The following DUT variants were observed in gnomAD, a reference collection of about 807,000 sequenced individuals.
The protein encoded by DUT is deoxyuridine 5'-triphosphate nucleotidohydrolase, mitochondrial.
In DUT, 21 loss-of-function variants were observed where a neutral mutation model predicts 28.8. That is an observed-to-expected ratio of 0.73 (90% CI 0.52 to 1.05). The LOEUF (loss-of-function observed/expected upper bound fraction) is 1.05, where lower values mean the gene tolerates loss of function less well. DUT is among the 50% of genes least tolerant of loss of function. DUT has a pLI of 0.00. For synonymous variants in DUT, 147 were observed against 143.7 expected, an observed-to-expected ratio of 1.02 and a Z score of -0.17; for missense variants, 344 against 351.8, an observed-to-expected ratio of 0.98 and a Z score of 0.18.
At chr15:48,334,945 C>T (rs756644923) in intron 3 of DUT, among the ~76,000 whole-genome samples, 8 of 152,110 alleles carry the variant, frequency 5.3e-5, no homozygotes, top group East Asian at 1.9e-4. Flanking sequence ...TTTTCTGGAG[C>T]GGATCAGTTG....
chr15:48,331,435 A>G lies in DUT; in HGVS notation c.-81A>G. On this transcript the variant is annotated 5_prime_UTR_variant, in exon 1 of 7. Coordinates refer to ENST00000331200, the MANE Select transcript of DUT (RefSeq NM_001025248.2). The stretch of plus-strand genomic sequence containing the variant: ...CGACTGCTTCCGAGGTCATGTTCCC[A>G]GGACGGGCGCGTCTTCAGGGTGGAA... 3.2e-6 allele frequency: 5 copies of G among 1,575,696 alleles called. No individual in the cohort carries two copies. The highest frequency in any genetic ancestry group is 1.2e-5 in the South Asian group (1 of 85,478).
Position 48,331,801 on chromosome 15 carries a change from A to G in DUT, c.280+6A>G, listed in dbSNP as rs1597478000. 7.4e-7 allele frequency: 1 copy of G among 1,357,374 alleles called. No homozygotes were observed. Among genetic ancestry groups the G allele is most frequent in the Non-Finnish European group, 9.4e-7 (1 of 1,060,364 alleles). 84.1% of individuals were successfully genotyped at this position (1,357,374 alleles called of 1,614,324 possible). ...AAGCCCGGCGCCGGGGCCGGGTAGG[A>G]AAGGCGGGGGAGGGGCTCCGGCCGT... On this transcript the variant is annotated splice_donor_region_variant and intron_variant, in intron 1 of 6. Coordinates refer to ENST00000331200, the MANE Select transcript of DUT (RefSeq NM_001025248.2).
chr15:48,336,117 A>G, intron 4 of DUT, 27 bp downstream of exon 4: 1 of 1,552,388 alleles, frequency 6.4e-7, no homozygotes, highest in Non-Finnish European at 8.7e-7. Flanking sequence ...TTTATTCTGT[A>G]AATGTTTGCA....
intron 4 of DUT, among the ~76,000 whole-genome samples, chr15:48,337,665 GA>G (rs1457369755): frequency 1.3e-5 from 2 of 152,060 alleles, no homozygotes; most frequent in Admixed American, 6.6e-5. Context: ...CAACTTTCTG[GA>G]AAAAAATTCA....
At position 48,342,158 on chromosome 15, in the gene DUT, GGT is replaced by G; in HGVS notation, c.*83_*84del. 1.9e-6 allele frequency: 2 copies of G among 1,074,736 alleles called. No individual in the cohort carries two copies. Among genetic ancestry groups the G allele is most frequent in the Middle Eastern group, 3.4e-4 (1 of 2,944 alleles). 66.6% of individuals were successfully genotyped at this position (1,074,736 alleles called of 1,614,324 possible). ...AAAAAGTTTTTGCTTCAAGTGTTTT[GGT>G]GTTTTGCACTTCTGTAAACTTACTA... On this transcript the variant is annotated 3_prime_UTR_variant, in exon 7 of 7. Transcript: ENST00000331200.
chr15:48,332,980 G>A (rs746891482), intron 2 of DUT, among the ~76,000 whole-genome samples: 1 of 152,034 alleles, frequency 6.6e-6, no homozygotes, highest in Admixed American at 6.5e-5. Flanking sequence ...AACTAGATAA[G>A]TGTTACTTTT....
upstream of DUT, chr15:48,331,219 G>A (rs1381945181): frequency 1.4e-5 from 21 of 1,511,394 alleles, no homozygotes; most frequent in Non-Finnish European, 1.8e-5. Context: ...CAGGGCCCGG[G>A]CCTGGCGTAC....
chr15:48,333,496 T>C (rs925986899), intron 2 of DUT, among the ~76,000 whole-genome samples: 1 of 152,188 alleles, frequency 6.6e-6, no homozygotes, highest in Non-Finnish European at 1.5e-5. Context: ...GACATGGAAA[T>C]AATGGATCAG....
At position 48,340,214 on chromosome 15, in the gene DUT, C is replaced by T. The variant is rs1167036989; in HGVS notation, c.557-1075C>T. ...ATGGAGCTGTCTTCAGTTAGATTCA[C>T]GTGAGTCTTATCCAGCCTTTCACAA... On this transcript the variant is annotated intron_variant, in intron 4 of 6. Transcript: ENST00000331200. The T allele has an allele frequency of 7.2e-5, 11 of 152,166 alleles. No homozygotes were observed. The South Asian group carries it at 8.3e-4, about 11-fold the overall frequency. 9.4% of individuals were successfully genotyped at this position (152,166 alleles called of 1,614,324 possible).
upstream of DUT, chr15:48,331,211 G>A (rs2042402225): frequency 2.0e-6 from 3 of 1,514,122 alleles, no homozygotes; most frequent in African/African-American, 1.4e-5. Flanking sequence ...TCCAGGAGCA[G>A]GGCCCGGGCC....
At chr15:48,331,284 A>T, upstream of DUT, 1 of 1,448,940 alleles carries the variant, frequency 6.9e-7, no homozygotes, top group Non-Finnish European at 9.0e-7. Flanking sequence ...CAAGAGGGCT[A>T]GGCAGCCAGA....
In DUT at chr15:48,342,150, A is replaced by G. The variant is rs976592404; in HGVS notation, c.*72A>G. On this transcript the variant is annotated 3_prime_UTR_variant, in exon 7 of 7. Coordinates refer to ENST00000331200, the MANE Select transcript of DUT (RefSeq NM_001025248.2). ...AAAAAAAAAAAAAGTTTTTGCTTCA[A>G]GTGTTTTGGTGTTTTGCACTTCTGT... The G allele has an allele frequency of 1.3e-5, 15 of 1,193,156 alleles. No homozygotes were observed. The highest frequency in any genetic ancestry group is 3.1e-4 in the Middle Eastern group (1 of 3,262). 73.9% of individuals were successfully genotyped at this position (1,193,156 alleles called of 1,614,324 possible).
intron 3 of DUT, among the ~76,000 whole-genome samples, chr15:48,335,302 A>T (rs2042463037): frequency 6.6e-6 from 1 of 152,246 alleles, no homozygotes; most frequent in South Asian, 2.1e-4. Context: ...TAGGATAATT[A>T]ATTATAGGCC....
chr15:48,331,489 A>G lies in DUT; in HGVS notation c.-27A>G. 1 of 1,609,748 alleles carries G rather than the reference A, an allele frequency of 6.2e-7. No individual in the cohort carries two copies. The highest frequency in any genetic ancestry group is 8.5e-7 in the Non-Finnish European group (1 of 1,178,636). On this transcript the variant is annotated 5_prime_UTR_variant, in exon 1 of 7. Coordinates refer to ENST00000331200, the MANE Select transcript of DUT (RefSeq NM_001025248.2). ...TGGCGCACGTCCGGAGGTGCCGAGG[A>G]CCCAACCAGCCCAAACTCTGGGGGA...
In DUT at chr15:48,331,748, G is replaced by A; in HGVS notation, c.233G>A (p.Trp78Ter). 1.4e-6 allele frequency: 2 copies of A among 1,424,070 alleles called. No individual in the cohort carries two copies. The highest frequency in any genetic ancestry group is 2.9e-5 in the Admixed American group (1 of 34,248). 88.2% of individuals were successfully genotyped at this position (1,424,070 alleles called of 1,614,324 possible). Reference protein sequence around the residue: ...RGASTVGAAGWKGELPKAGGS... With the variant: ...RGASTVGAAG ...GCCAGTACAGTCGGGGCCGCTGGCT[G>A]GAAGGGCGAGCTTCCTAAGGCGGGG... The change falls in exon 1 of 7, where the codon TGG becomes TAG. Residue 78 changes from tryptophan to a stop codon, truncating the protein, a stop_gained. Coordinates refer to ENST00000331200, the MANE Select transcript of DUT (RefSeq NM_001025248.2). LOFTEE classifies it high-confidence loss of function.
At chr15:48,332,618 C>T in intron 2 of DUT, 1 of 701,588 alleles carries the variant, frequency 1.4e-6, no homozygotes, top group Non-Finnish European at 2.6e-6. Context: ...TATACGGTGT[C>T]TAGCAAGGCG....
intron 2 of DUT, among the ~76,000 whole-genome samples, chr15:48,333,049 A>G (rs1189519443): frequency 1.3e-5 from 2 of 151,808 alleles, no homozygotes; most frequent in African/African-American, 2.4e-5. Context: ...TGAAGATGAT[A>G]TAATTTTTTA....
At chr15:48,336,160 AAAT>A (rs2042473386) in intron 4 of DUT, 70 bp downstream of exon 4, 1 of 1,271,804 alleles carries the variant, frequency 7.9e-7, no homozygotes, top group African/African-American at 1.6e-5. Context: ...GGTAATATTC[AAAT>A]GACAGATTTT....
chr15:48,334,143 T>C (rs1323265163), intron 2 of DUT, among the ~76,000 whole-genome samples: 1 of 152,200 alleles, frequency 6.6e-6, no homozygotes, highest in East Asian at 1.9e-4. Context: ...GGCAAACATT[T>C]ACAATGTTGA....
Sources: allele counts gnomAD v4.1 joint callset (sites outside exome capture counted in the v4.1 genomes callset), GRCh38; gene constraint gnomAD v4.1.1; transcripts MANE v1.5; gene names NCBI Gene and HGNC (gene_info 2026-07-23, HGNC 2026-07-21).